Variants in COL20A1 observed in about 807,000 individuals in gnomAD.
COL20A1 encodes the protein collagen type XX alpha 1 chain.
In COL20A1, 164 loss-of-function variants were observed where a neutral mutation model predicts 152.9. The observed-to-expected ratio is 1.07, with a 90% CI of 0.94 to 1.22. The LOEUF is 1.22. COL20A1 is among the 50% of genes most tolerant of loss of function. COL20A1 has a pLI of 0.00. For missense variants in COL20A1, 1,873 were observed against 1,744.8 expected, an observed-to-expected ratio of 1.07 and a Z score of -1.31; for synonymous variants, 864 against 756.0, an observed-to-expected ratio of 1.14 and a Z score of -2.34.
intron 2 of COL20A1, 44 bp downstream of exon 2, chr20:63,295,233 C>A: frequency 7.3e-7 from 1 of 1,366,190 alleles, no homozygotes; most frequent in South Asian, 1.3e-5. Context: ...CGAGGCCACG[C>A]CTGCCCCACC....
At chr20:63,307,774 C>T (rs1482844325) in intron 6 of COL20A1, 126 bp downstream of exon 6, 1 of 1,239,120 alleles carries the variant, frequency 8.1e-7, no homozygotes, top group East Asian at 2.5e-5. Flanking sequence ...GGTGGGACGC[C>T]TGCTCCACAT....
At chr20:63,302,257 A>C (rs931135700) in intron 3 of COL20A1, among the ~76,000 whole-genome samples, 8 of 152,162 alleles carry the variant, frequency 5.3e-5, no homozygotes, top group African/African-American at 1.9e-4. Context: ...CAAATTTAAA[A>C]TGTTTCAGTA....
In COL20A1 at chr20:63,312,908, C is replaced by T; in HGVS notation, c.2050C>T (p.Pro684Ser). 5 of 1,555,712 alleles carry T rather than the reference C, an allele frequency of 3.2e-6. No individual in the cohort carries two copies. Among genetic ancestry groups the T allele is most frequent in the Non-Finnish European group, 4.4e-6 (5 of 1,149,240 alleles). ...GCTTGTCTACCAGATCACGTGGACG[C>T]CCCTGGGAGAGGGGAAGGCTCACGA... ...GVLVYQITWT[P>S]LGEGKAHEIS... The change falls in exon 16 of 36, where the codon CCC (proline) becomes TCC (serine). Residue 684 changes from proline (P) to serine (S), a missense_variant. By Grantham distance (74) the Pro-to-Ser change is moderately conservative. Transcript: ENST00000358894.
Position 63,326,021 on chromosome 20 carries a change from CTGGGGGGCTGT to C in COL20A1, c.3403-74_3403-64del. 3.8e-6 allele frequency: 5 copies of C among 1,328,352 alleles called. 1 individual carries two copies. Among genetic ancestry groups the C allele is most frequent in the South Asian group, 3.5e-5 (3 of 85,112 alleles). The allele number at this position is 1,328,352 out of a possible 1,614,324, so 82.3% of individuals were successfully genotyped here. On this transcript the variant is annotated intron_variant, in intron 29 of 35. Coordinates refer to ENST00000358894, the MANE Select transcript of COL20A1 (RefSeq NM_020882.4). ...GGGTTACAGGGTGTGTTGGGTGCTG[CTGGGGGGCTGT>C]CACCATGGGAGGGCTGGGTACAGGT...
Position 63,319,646 on chromosome 20 carries a change from A to T in COL20A1, c.2916+50A>T. 1 of 1,356,168 alleles carries T rather than the reference A, an allele frequency of 7.4e-7. No homozygotes were observed. The highest frequency in any genetic ancestry group is 1.0e-6 in the Non-Finnish European group (1 of 974,528). 84.0% of individuals were successfully genotyped at this position (1,356,168 alleles called of 1,614,324 possible). A position where few individuals can be genotyped will look rare whatever the true frequency, so the allele number is the denominator to read the frequency against. On this transcript the variant is annotated intron_variant, in intron 23 of 35. Coordinates refer to ENST00000358894, the MANE Select transcript of COL20A1 (RefSeq NM_020882.4). This position sits in a 1 kb window ranked among gnomAD's most constrained non-coding sequence, Gnocchi z 4.4. ...TCCCCCGTTCCCCCAGCTCTGGGGC[A>T]GCCCAGCCCCACAGGGACCTGCCGG... is the stretch of plus-strand genomic sequence containing the variant.
chr20:63,328,570 C>T, intron 34 of COL20A1, 72 bp downstream of exon 34: 1 of 1,403,566 alleles, frequency 7.1e-7, no homozygotes, highest in Non-Finnish European at 9.7e-7. Context: ...GGTCCTGGGG[C>T]TGGGGCTTCA....
At position 63,329,593 on chromosome 20, in the gene COL20A1, G is replaced by A. The variant is rs753960261; in HGVS notation, c.3790G>A (p.Gly1264Arg). ...CCTCCCTTTCCTCGCAGGGGAGCCT[G>A]GAGCTGTTGGTCAGATGGGCAGCCC... ...GRHLEGRGEPGAVGQMGSPGQ... is the reference protein window; with the variant it reads ...GRHLEGRGEPRAVGQMGSPGQ... The change falls in exon 35 of 36, where the codon GGA (glycine) becomes AGA (arginine). Residue 1264 changes from glycine to arginine, a missense_variant. By Grantham distance (125) the Gly-to-Arg change is moderately radical. Coordinates refer to ENST00000358894, the MANE Select transcript of COL20A1 (RefSeq NM_020882.4). The A allele has an allele frequency of 1.2e-6, 2 of 1,609,368 alleles. No individual in the cohort carries two copies. The highest frequency in any genetic ancestry group is 1.7e-6 in the Non-Finnish European group (2 of 1,179,172).
chr20:63,317,417 T>C (rs147660730), intron 21 of COL20A1, among the ~76,000 whole-genome samples: 6,592 of 149,734 alleles, frequency 0.044, 220 homozygotes, highest in South Asian at 0.081. Context: ...TGAGCCAGGA[T>C]TGTGCCACTG....
chr20:63,319,071 G>A lies in COL20A1; in HGVS notation c.2677G>A (p.Ala893Thr). Reference sequence around the variant, plus strand: ...CAACCCCCACAGTGACGTCTACCCAGCCCCCCTACCTCCAGAGCACACCAT... The same window carrying A: ...CAACCCCCACAGTGACGTCTACCCAACCCCCCTACCTCCAGAGCACACCAT... ...LTRRVSDVYP[A>T]PLPPEHTIVF... Residue 893 changes from alanine to threonine, a missense_variant, in exon 22 of 36, where the codon GCC becomes ACC. By Grantham distance (58) the Ala-to-Thr change is moderately conservative. Transcript: ENST00000358894. The surrounding 1 kb of genome is among the most constrained non-coding windows in gnomAD (Gnocchi z 4.4). 6.3e-7 allele frequency: 1 copy of A among 1,592,566 alleles called. No homozygotes were observed. The highest frequency in any genetic ancestry group is 8.6e-7 in the Non-Finnish European group (1 of 1,166,514).
At chr20:63,309,227 A>T in intron 8 of COL20A1, 106 bp from the exon 9 acceptor site, 1 of 910,590 alleles carries the variant, frequency 1.1e-6, no homozygotes, top group Non-Finnish European at 1.5e-6. Context: ...AGTACAGCCC[A>T]TAGGCCTCTT....
rs998436388 is a variant in COL20A1 at position 63,303,679 on chromosome 20, G to A, written c.194-1738G>A. On this transcript the variant is annotated intron_variant, in intron 3 of 35. Coordinates refer to ENST00000358894, the MANE Select transcript of COL20A1 (RefSeq NM_020882.4). ...CCCATTTGCTCAGCCAAGAACAGAG[G>A]GTCCTCCCTGGCTGGTCACTCCCTG... Among the ~76,000 whole-genome samples the A allele has an allele frequency of 2.6e-5, 4 of 152,192 alleles. No homozygotes were observed. In the East Asian group the frequency reaches 7.7e-4, roughly 29 times the overall value.
In COL20A1 at chr20:63,312,549, A is replaced by G; in HGVS notation, c.1933A>G (p.Lys645Glu). Reference sequence around the variant, plus strand: ...TACGCTGACTGGCCGGGTGACCACCAGTGAGTGGGGAGAGGCTGGGGCTGG... The same window carrying G: ...TACGCTGACTGGCCGGGTGACCACCGGTGAGTGGGGAGAGGCTGGGGCTGG... ...SSTLTGRVTT[K>E]KAPSPSQLSM... The change falls in exon 15 of 36, where the codon AAG becomes GAG. Residue 645 changes from lysine to glutamate, a missense_variant and splice_region_variant. Transcript: ENST00000358894. The G allele has an allele frequency of 6.3e-7, 1 of 1,576,438 alleles. No individual in the cohort carries two copies. The highest frequency in any genetic ancestry group is 8.6e-7 in the Non-Finnish European group (1 of 1,165,784).
intron 27 of COL20A1, among the ~76,000 whole-genome samples, chr20:63,324,084 A>G (rs555029887): frequency 4.6e-5 from 7 of 152,182 alleles, no homozygotes; most frequent in African/African-American, 1.7e-4. Context: ...CTTCATCCCT[A>G]CGTATGTCCT....
At position 63,305,881 on chromosome 20, in the gene COL20A1, T is replaced by C; in HGVS notation, c.338T>C (p.Ile113Thr). Residue 113 changes from isoleucine (I) to threonine (T), a missense_variant and splice_region_variant, in exon 5 of 36, where the codon ATT becomes ACT. By Grantham distance (89) the Ile-to-Thr change is moderately conservative. Transcript: ENST00000358894. This position sits in a 1 kb window ranked among gnomAD's most constrained non-coding sequence, Gnocchi z 4.9. ...GATGGCTCTTTGTGTCTCCCTGCAG[T>C]TGAGGATCTGAAGAGTAGCTCCCTG... Reference protein sequence around the residue: ...RFLLARREFVIEDLKSSSLDR... With the variant: ...RFLLARREFVTEDLKSSSLDR... 1 of 1,613,032 alleles carries C rather than the reference T, an allele frequency of 6.2e-7. No homozygotes were observed. Among genetic ancestry groups the C allele is most frequent in the Non-Finnish European group, 8.5e-7 (1 of 1,179,788 alleles).
In COL20A1 at chr20:63,308,649, G is replaced by T. The variant is rs369552635; in HGVS notation, c.883G>T (p.Asp295Tyr). 114 of 1,607,728 alleles carry T rather than the reference G, an allele frequency of 7.1e-5. No individual in the cohort carries two copies. Among genetic ancestry groups the T allele is most frequent in the Non-Finnish European group, 9.3e-5 (110 of 1,177,722 alleles). ...GGTGACGGACGGCAAGTCCCAGGAC[G>T]ATGTGCACACTGCTGCCCGTGTCCT... ...ILVTDGKSQD[D>Y]VHTAARVLKD... The change falls in exon 8 of 36, where the codon GAT (aspartate) becomes TAT (tyrosine). Residue 295 changes from aspartate (D) to tyrosine (Y), a missense_variant. By Grantham distance (160) the Asp-to-Tyr change is radical (BLOSUM62 -3). Transcript: ENST00000358894.
rs2068339204 is a variant in COL20A1 at position 63,331,979 on chromosome 20, T to C, written c.*1263T>C. ...GACCTGGAGACCAAATAGAGAGTCA[T>C]AGGCAGGGTCAGCAGGATGGGAGAG... On this transcript the variant is annotated 3_prime_UTR_variant, in exon 36 of 36. Transcript: ENST00000358894. The C allele has an allele frequency of 6.6e-6, 1 of 152,228 alleles. No homozygotes were observed. Among genetic ancestry groups the C allele is most frequent in the African/African-American group, 2.4e-5 (1 of 41,400 alleles). The allele number at this position is 152,228 out of a possible 1,614,324, so 9.4% of individuals were successfully genotyped here. A position where few individuals can be genotyped will look rare whatever the true frequency, so the allele number is the denominator to read the frequency against.
At chr20:63,327,061 G>C (rs2068261113) in intron 31 of COL20A1, 1 of 445,258 alleles carries the variant, frequency 2.2e-6, no homozygotes, top group Non-Finnish European at 4.0e-6. Context: ...ACTTCCTGTT[G>C]ACCACCCAAG....
At position 63,306,303 on chromosome 20, in the gene COL20A1, G is replaced by C. The variant is rs566418654; in HGVS notation, c.496+264G>C. The stretch of plus-strand genomic sequence containing the variant: ...GTCTGACCACACGGTCTCTGACCAC[G>C]AGGCCGGGAAGTTCTTCCTCGTGTC... On this transcript the variant is annotated intron_variant, in intron 5 of 35. Transcript: ENST00000358894. The surrounding 1 kb of genome is among the most constrained non-coding windows in gnomAD (Gnocchi z 6.9). Among the ~76,000 whole-genome samples the C allele has an allele frequency of 8.2e-6, 1 of 122,060 alleles. No homozygotes were observed. Among genetic ancestry groups the C allele is most frequent in the East Asian group, 2.5e-4 (1 of 3,954 alleles). The allele number at this position is 122,060 out of a possible 152,430, so 80.1% of individuals were successfully genotyped here. A position where few individuals can be genotyped will look rare whatever the true frequency, so the allele number is the denominator to read the frequency against.
intron 7 of COL20A1, 26 bp from the exon 8 acceptor site, chr20:63,308,516 G>C (rs781039199): frequency 1.8e-5 from 28 of 1,539,404 alleles, no homozygotes; most frequent in Non-Finnish European, 2.3e-5. Flanking sequence ...GCAGCTGCCT[G>C]TCACTTTATT....
Sources: allele counts gnomAD v4.1 joint callset (sites outside exome capture counted in the v4.1 genomes callset), GRCh38; gene constraint gnomAD v4.1.1; non-coding constraint Gnocchi (gnomAD v3.1); transcripts MANE v1.5; gene names NCBI Gene and HGNC (gene_info 2026-07-23, HGNC 2026-07-21).